Variants in ADGRL3 observed in about 807,000 individuals in gnomAD.
The protein encoded by ADGRL3 is calcium-independent alpha-latrotoxin receptor 3.
In ADGRL3, 62 loss-of-function variants were observed where a neutral mutation model predicts 153.5. That is an observed-to-expected ratio of 0.40 (90% CI 0.33 to 0.50). The LOEUF (loss-of-function observed/expected upper bound fraction) is 0.50. ADGRL3 is among the 20% of genes least tolerant of loss of function. The pLI is 0.47. For missense variants in ADGRL3, 1,641 were observed against 1,859.4 expected, an observed-to-expected ratio of 0.88 and a Z score of 2.16; for synonymous variants, 710 against 672.5, an observed-to-expected ratio of 1.06 and a Z score of -0.86.
intron 2 of ADGRL3, among the ~76,000 whole-genome samples, chr4:61,414,210 AC>A (rs2097121746): frequency 6.6e-6 from 1 of 152,166 alleles, no homozygotes; most frequent in South Asian, 2.1e-4. Context: ...GGACTAACTT[AC>A]CTGGAAAAAT....
intron 5 of ADGRL3, among the ~76,000 whole-genome samples, chr4:61,656,312 G>C (rs2094441403): frequency 6.6e-6 from 1 of 152,048 alleles, no homozygotes; most frequent in African/African-American, 2.4e-5. Flanking sequence ...ACTTATATGT[G>C]ACCATTTGTT....
intron 9 of ADGRL3, among the ~76,000 whole-genome samples, chr4:61,854,786 G>A (rs1052294766): frequency 2.0e-5 from 3 of 152,146 alleles, no homozygotes; most frequent in African/African-American, 7.2e-5. Context: ...AGATGATGAA[G>A]TTTAACATCA....
chr4:61,778,910 T>G (rs534075497), intron 8 of ADGRL3, among the ~76,000 whole-genome samples: 1 of 152,048 alleles, frequency 6.6e-6, no homozygotes, highest in South Asian at 2.1e-4. Context: ...ATACAAAAAT[T>G]AGCTGGGCAC....
At chr4:61,895,897 C>A (rs1170345702) in intron 11 of ADGRL3, 63 bp downstream of exon 11, 19 of 873,366 alleles carry the variant, frequency 2.2e-5, no homozygotes, top group Non-Finnish European at 3.1e-5. Context: ...TTGATGATAG[C>A]TGTTGGAAAA....
chr4:61,546,757 A>C (rs1383088778), intron 4 of ADGRL3, among the ~76,000 whole-genome samples: 1 of 152,218 alleles, frequency 6.6e-6, no homozygotes, highest in East Asian at 1.9e-4. Context: ...TAAAGTTAAA[A>C]GGGTGTGTCT....
intron 1 of ADGRL3, among the ~76,000 whole-genome samples, chr4:61,318,193 CAAAAAAAAAA>C (rs757545966): frequency 0.085 from 4,146 of 48,624 alleles, 218 homozygotes; most frequent in African/African-American, 0.22. Flanking sequence ...GAACCTGTCT[CAAAAAAAAAA>C]AAAAAAAAAA....
At chr4:61,361,948 G>A (rs1304122900) in intron 1 of ADGRL3, among the ~76,000 whole-genome samples, 2 of 148,920 alleles carry the variant, frequency 1.3e-5, no homozygotes, top group Non-Finnish European at 3.0e-5. Flanking sequence ...AGTTCTCTGA[G>A]GAAGGCTTTT....
In ADGRL3 at chr4:61,971,556, A is replaced by G. The variant is rs1486664722; in HGVS notation, c.2806-8007A>G. 2.0e-5 allele frequency among the ~76,000 whole-genome samples: 3 copies of G among 152,038 alleles called. No homozygotes were observed. The East Asian group carries it at 5.8e-4, about 29-fold the overall frequency. ...CCACATTTTCTTAATCCAGTCTATC[A>G]TTGTTGGACATTTGGGTTGGTTCCA... is the stretch of plus-strand genomic sequence containing the variant. On this transcript the variant is annotated intron_variant, in intron 17 of 26. Coordinates refer to ENST00000683033, the MANE Select transcript of ADGRL3 (RefSeq NM_001387552.1).
intron 1 of ADGRL3, among the ~76,000 whole-genome samples, chr4:61,328,275 G>T (rs2095503119): frequency 6.6e-6 from 1 of 152,118 alleles, no homozygotes; most frequent in African/African-American, 2.4e-5. Context: ...GAATAGGCCG[G>T]GGTAGCATAG....
intron 25 of ADGRL3, among the ~76,000 whole-genome samples, chr4:62,056,587 A>C (rs182595179): frequency 6.6e-6 from 1 of 152,064 alleles, no homozygotes; most frequent in Admixed American, 6.6e-5. Context: ...ATGCCATAGA[A>C]GATACAACCA....
chr4:61,253,886 A>G (rs947964275), intron 1 of ADGRL3, among the ~76,000 whole-genome samples: 3 of 152,242 alleles, frequency 2.0e-5, no homozygotes, highest in Non-Finnish European at 4.4e-5. Flanking sequence ...GAGTTGCACC[A>G]GATGATCTCT....
intron 9 of ADGRL3, among the ~76,000 whole-genome samples, chr4:61,829,984 TAAC>T (rs781737530): frequency 1.3e-5 from 2 of 151,582 alleles, no homozygotes; most frequent in Non-Finnish European, 2.9e-5. Flanking sequence ...CAGGGCAACA[TAAC>T]AAGTCTCCCA....
chr4:61,755,148 T>A (rs1012037894), intron 8 of ADGRL3, among the ~76,000 whole-genome samples: 9 of 152,194 alleles, frequency 5.9e-5, no homozygotes, highest in Non-Finnish European at 8.8e-5. Context: ...ATGGGATGGC[T>A]GGGTCAAATG....
intron 2 of ADGRL3, among the ~76,000 whole-genome samples, chr4:61,384,269 T>C (rs1482864242): frequency 6.6e-6 from 1 of 151,892 alleles, no homozygotes; most frequent in Non-Finnish European, 1.5e-5. Context: ...ATGTTGTTCC[T>C]GTTTTACAGA....
intron 13 of ADGRL3, among the ~76,000 whole-genome samples, chr4:61,925,698 CTATAGTGA>C (rs1467268948): frequency 6.6e-6 from 1 of 152,110 alleles, no homozygotes; most frequent in African/African-American, 2.4e-5. Flanking sequence ...AACTCACTCA[CTATAGTGA>C]GGACAATACC....
chr4:61,551,423 T>A (rs2098739944), intron 4 of ADGRL3, among the ~76,000 whole-genome samples: 1 of 152,168 alleles, frequency 6.6e-6, no homozygotes, highest in African/African-American at 2.4e-5. Context: ...GTTAAAAAAG[T>A]GTTTTGATTA....
At chr4:61,949,676 C>T (rs1270468932) in intron 17 of ADGRL3, among the ~76,000 whole-genome samples, 1 of 151,548 alleles carries the variant, frequency 6.6e-6, no homozygotes, top group Non-Finnish European at 1.5e-5. Context: ...GCATGGGAGA[C>T]AGAGCAAGAC....
At chr4:61,991,622 C>A (rs2099103991) in intron 19 of ADGRL3, among the ~76,000 whole-genome samples, 1 of 152,088 alleles carries the variant, frequency 6.6e-6, no homozygotes, top group South Asian at 2.1e-4. Context: ...TGATTGCACT[C>A]CATCCCTGTA....
intron 4 of ADGRL3, among the ~76,000 whole-genome samples, chr4:61,566,841 T>C (rs2098818312): frequency 1.3e-5 from 2 of 152,150 alleles, no homozygotes. Flanking sequence ...CTTAAAGTTT[T>C]CTTTTTTGAA....
Sources: gnomAD v4.1 joint callset for allele counts (sites outside exome capture counted in the v4.1 genomes callset) on GRCh38, gnomAD v4.1.1 for gene constraint, MANE v1.5 for transcripts, NCBI Gene and HGNC (gene_info 2026-07-23, HGNC 2026-07-21) for gene names.